ZBTB16: variants seen among roughly 807,000 people sequenced by gnomAD.
ZBTB16 encodes zinc finger and BTB domain-containing protein 16.
In ZBTB16, 8 loss-of-function variants were observed where a neutral mutation model predicts 56.8. The ratio of observed to expected loss-of-function variants is 0.14; its 90% CI spans 0.08 to 0.25. The LOEUF (loss-of-function observed/expected upper bound fraction) is 0.25, where lower values mean the gene tolerates loss of function less well. Among genes scored for constraint, ZBTB16 ranks in the 10% least tolerant of loss-of-function variants. The pLI, the probability that ZBTB16 is intolerant of heterozygous loss-of-function variation, is 1.00. For synonymous variants in ZBTB16, 363 were observed against 368.5 expected (o/e 0.98, Z 0.17); for missense variants, 625 against 903.0 (o/e 0.69, Z 3.95).
At chr11:114,084,186 A>C (rs1280478986) in intron 2 of ZBTB16, among the ~76,000 whole-genome samples, 1 of 151,488 alleles carries the variant, frequency 6.6e-6, no homozygotes, top group Non-Finnish European at 1.5e-5. Context: ...TATTTTATTT[A>C]TTTCATTTTT....
chr11:114,202,062 A>G (rs1943749095), intron 4 of ZBTB16, among the ~76,000 whole-genome samples: 1 of 152,216 alleles, frequency 6.6e-6, no homozygotes, highest in African/African-American at 2.4e-5. Flanking sequence ...GTTAGAACAG[A>G]TAAATGCCAG....
intron 5 of ZBTB16, among the ~76,000 whole-genome samples, chr11:114,246,188 A>T (rs373458895): frequency 1.1e-4 from 17 of 152,294 alleles, no homozygotes; most frequent in African/African-American, 3.8e-4. Flanking sequence ...CGATACACTG[A>T]GGCTACAAGG....
intron 2 of ZBTB16, among the ~76,000 whole-genome samples, chr11:114,133,821 A>G (rs1055057838): frequency 1.3e-5 from 2 of 152,240 alleles, no homozygotes; most frequent in Admixed American, 6.5e-5. Flanking sequence ...TATTACGACT[A>G]TAGCAGGACC....
At chr11:114,065,993 C>A (rs1939101755) in intron 2 of ZBTB16, among the ~76,000 whole-genome samples, 1 of 152,066 alleles carries the variant, frequency 6.6e-6, no homozygotes, top group Admixed American at 6.5e-5. Flanking sequence ...ACGTGCCCAT[C>A]ATTTTATCCT....
chr11:114,134,312 G>A (rs1022377666), intron 2 of ZBTB16, among the ~76,000 whole-genome samples: 1 of 152,146 alleles, frequency 6.6e-6, no homozygotes. Context: ...GCCAAACAGA[G>A]CTGTATTTTC....
intron 2 of ZBTB16, among the ~76,000 whole-genome samples, chr11:114,068,471 A>G (rs573223302): frequency 6.6e-6 from 1 of 152,214 alleles, no homozygotes; most frequent in African/African-American, 2.4e-5. Flanking sequence ...CAAGCCGTCC[A>G]CTGCAGGAAT....
In ZBTB16 at chr11:114,075,429, G is replaced by C. The variant is rs537786371; in HGVS notation, c.1268+10861G>C. Among the ~76,000 whole-genome samples the C allele has an allele frequency of 9.4e-4, 143 of 151,920 alleles. 2 individuals carry two copies. Among genetic ancestry groups the C allele is most frequent in the Admixed American group, 5.9e-3 (90 of 15,234 alleles). ...TACTTGAAAGGATGTGTATACTTCA[G>C]TATTTTTTCCATTGTAAAATTAAGG... On this transcript the variant is annotated intron_variant, in intron 2 of 6. Coordinates refer to ENST00000335953, the MANE Select transcript of ZBTB16 (RefSeq NM_006006.6).
intron 2 of ZBTB16, among the ~76,000 whole-genome samples, chr11:114,092,666 T>C (rs1940235824): frequency 6.6e-6 from 1 of 152,174 alleles, no homozygotes; most frequent in Non-Finnish European, 1.5e-5. Flanking sequence ...CCTTAGTTTG[T>C]GCATCTCTAA....
chr11:114,151,510 C>G (rs1176648129), intron 2 of ZBTB16, among the ~76,000 whole-genome samples: 2 of 152,212 alleles, frequency 1.3e-5, no homozygotes, highest in African/African-American at 2.4e-5. Flanking sequence ...TCCTAGTTCC[C>G]CATGCTGGTC....
At chr11:114,152,111 T>C (rs771220495) in intron 2 of ZBTB16, among the ~76,000 whole-genome samples, 2 of 152,184 alleles carry the variant, frequency 1.3e-5, no homozygotes, top group African/African-American at 4.8e-5. Context: ...GCTGTTGTAC[T>C]TAGAATATTG....
At chr11:114,197,286 C>T (rs991482078) in intron 4 of ZBTB16, among the ~76,000 whole-genome samples, 2 of 152,132 alleles carry the variant, frequency 1.3e-5, no homozygotes, top group African/African-American at 4.8e-5. Context: ...AGTCCAGAAA[C>T]GGCATACCTC....
rs527815516 is a variant in ZBTB16 at position 114,078,944 on chromosome 11, C to T, written c.1268+14376C>T. Reference sequence around the variant, plus strand: ...GCAGGTGCCTGTAATCCCAGCTAGTCGGGGGAGGCTGAGGCAGGAAAATCG... The same window carrying T: ...GCAGGTGCCTGTAATCCCAGCTAGTTGGGGGAGGCTGAGGCAGGAAAATCG... On this transcript the variant is annotated intron_variant, in intron 2 of 6. Transcript: ENST00000335953. Among the ~76,000 whole-genome samples the T allele has an allele frequency of 1.0e-3, 154 of 151,884 alleles. 1 individual carries two copies. The highest frequency in any genetic ancestry group is 3.4e-3 in the African/African-American group (140 of 41,428).
At chr11:114,139,549 T>A (rs1941888179) in intron 2 of ZBTB16, among the ~76,000 whole-genome samples, 1 of 151,072 alleles carries the variant, frequency 6.6e-6, no homozygotes, top group African/African-American at 2.5e-5. Context: ...GAGGTTTCCT[T>A]CTCCCCCCCC....
At chr11:114,244,850 C>T (rs1169116747) in intron 5 of ZBTB16, among the ~76,000 whole-genome samples, 7 of 151,206 alleles carry the variant, frequency 4.6e-5, no homozygotes, top group African/African-American at 7.3e-5. Flanking sequence ...CCGCCCCCTT[C>T]CCCCCCACCG....
intron 4 of ZBTB16, among the ~76,000 whole-genome samples, chr11:114,214,809 G>A (rs1944063398): frequency 6.6e-6 from 1 of 152,132 alleles, no homozygotes; most frequent in Non-Finnish European, 1.5e-5. Context: ...TCGCCATGTT[G>A]GCCAGCCTGT....
At chr11:114,190,752 C>CACAT in intron 4 of ZBTB16, among the ~76,000 whole-genome samples, 1 of 150,146 alleles carries the variant, frequency 6.7e-6, no homozygotes, top group East Asian at 2.0e-4. Context: ...CACACACACA[C>CACAT]ACACACATAT....
chr11:114,154,410 T>C (rs898566492), intron 2 of ZBTB16, among the ~76,000 whole-genome samples: 8 of 152,088 alleles, frequency 5.3e-5, no homozygotes, highest in African/African-American at 1.7e-4. Context: ...AAACCCCTTA[T>C]GAATAGAGCC....
intron 2 of ZBTB16, among the ~76,000 whole-genome samples, chr11:114,130,885 G>A (rs2134859251): frequency 6.6e-6 from 1 of 152,320 alleles, no homozygotes; most frequent in Middle Eastern, 3.4e-3. Context: ...TACATTTTCT[G>A]GCTAACTGAG....
At chr11:114,240,901 C>T (rs1250938290) in intron 4 of ZBTB16, among the ~76,000 whole-genome samples, 2 of 152,178 alleles carry the variant, frequency 1.3e-5, no homozygotes, top group South Asian at 2.1e-4. Context: ...AATCTCTTGA[C>T]GTGGTTTGCA....
Sources: gnomAD v4.1 joint callset for allele counts (sites outside exome capture counted in the v4.1 genomes callset) on GRCh38, gnomAD v4.1.1 for gene constraint, MANE v1.5 for transcripts, NCBI Gene and HGNC (gene_info 2026-07-23, HGNC 2026-07-21) for gene names.